Variants in RAB31 observed in about 807,000 individuals in gnomAD.
The protein encoded by RAB31 is ras-related protein Rab-31.
RAB31 carries 21 observed loss-of-function variants against 25.6 expected under a neutral mutation model. The observed-to-expected ratio is 0.82, with a 90% confidence interval of 0.58 to 1.18. The LOEUF (loss-of-function observed/expected upper bound fraction) is 1.18. Among genes scored for constraint, RAB31 ranks in the 50% most tolerant of loss-of-function variants. The pLI is 0.00. For synonymous variants in RAB31, 87 were observed against 84.0 expected (o/e 1.04, Z -0.20); for missense variants, 196 against 250.1 (o/e 0.78, Z 1.46).
At chr18:9,753,943 T>C (rs2068247932) in intron 1 of RAB31, among the ~76,000 whole-genome samples, 1 of 151,984 alleles carries the variant, frequency 6.6e-6, no homozygotes, top group Non-Finnish European at 1.5e-5. Flanking sequence ...ATGCAAGGCG[T>C]GTTCTAGTGT....
At chr18:9,807,414 C>A (rs1297281644) in intron 3 of RAB31, among the ~76,000 whole-genome samples, 2 of 151,798 alleles carry the variant, frequency 1.3e-5, no homozygotes, top group Non-Finnish European at 2.9e-5. Flanking sequence ...TCATGGCCAT[C>A]CTGGCTTTCC....
chr18:9,813,522 C>T (rs369969166), intron 3 of RAB31, among the ~76,000 whole-genome samples: 1 of 152,242 alleles, frequency 6.6e-6, no homozygotes. Flanking sequence ...CACAAGCATA[C>T]ATATGTGTTG....
At chr18:9,849,931 T>C (rs2068780644) in intron 6 of RAB31, among the ~76,000 whole-genome samples, 1 of 152,162 alleles carries the variant, frequency 6.6e-6, no homozygotes, top group African/African-American at 2.4e-5. Context: ...CCTCAAGCTT[T>C]TAAAGCAGGA....
chr18:9,740,205 T>G (rs2068171208), intron 1 of RAB31, among the ~76,000 whole-genome samples: 1 of 152,244 alleles, frequency 6.6e-6, no homozygotes, highest in Non-Finnish European at 1.5e-5. Flanking sequence ...ACAAGTATTT[T>G]GAGAACATCC....
intron 2 of RAB31, among the ~76,000 whole-genome samples, chr18:9,790,473 C>T (rs531176222): frequency 1.3e-5 from 2 of 152,152 alleles, no homozygotes; most frequent in African/African-American, 4.8e-5. Context: ...TGGCCTCAAG[C>T]CATCCTCCTG....
intron 5 of RAB31, among the ~76,000 whole-genome samples, chr18:9,842,069 A>G (rs2068737086): frequency 6.6e-6 from 1 of 152,184 alleles, no homozygotes; most frequent in Non-Finnish European, 1.5e-5. Context: ...ACTCAGGAGT[A>G]GCTAAATGGA....
At chr18:9,776,164 C>T (rs1216297897) in intron 2 of RAB31, among the ~76,000 whole-genome samples, 1 of 152,160 alleles carries the variant, frequency 6.6e-6, no homozygotes, top group Non-Finnish European at 1.5e-5. Flanking sequence ...TTGTTAAATT[C>T]TCCTGAGCTT....
chr18:9,845,547 A>G (rs368491759), intron 5 of RAB31, 35 bp from the exon 6 acceptor site: 23 of 1,486,722 alleles, frequency 1.5e-5, no homozygotes, highest in South Asian at 1.2e-4. Flanking sequence ...ACAAACAAAC[A>G]TTCATTTCCT....
rs554632589 is a variant in RAB31, at chr18:9,745,498, A to G, written c.40-29780A>G. Among the ~76,000 whole-genome samples the G allele has an allele frequency of 4.4e-4, 67 of 152,326 alleles. 1 individual carries two copies. In the South Asian group the frequency reaches 0.013, roughly 30 times the overall value. ...CAAAGATATTACAAGAACACTATAG[A>G]CCAATATCCCTTACAATATAGAAGC... On this transcript the variant is annotated intron_variant, in intron 1 of 6. Coordinates refer to ENST00000578921, the MANE Select transcript of RAB31 (RefSeq NM_006868.4).
chr18:9,805,283 TA>T (rs11451829), intron 3 of RAB31, among the ~76,000 whole-genome samples: 137 of 146,842 alleles, frequency 9.3e-4, no homozygotes, highest in African/African-American at 3.3e-3. Context: ...ATAAAAAGAT[TA>T]AAAAAAAAAA....
In RAB31 at chr18:9,708,483, G is replaced by A; in HGVS notation, c.39+39G>A. On this transcript the variant is annotated intron_variant, in intron 1 of 6. Transcript: ENST00000578921. This position sits in a 1 kb window ranked among gnomAD's most constrained non-coding sequence, Gnocchi z 6.4. ...GCCACCCGCCGGCGGACCCCGGCCCGCGCTCTCGCGCCCCTTCGCTCCCCT... is the reference window on the plus strand; with the variant it reads ...GCCACCCGCCGGCGGACCCCGGCCCACGCTCTCGCGCCCCTTCGCTCCCCT... 6.6e-7 allele frequency: 1 copy of A among 1,524,418 alleles called. No individual in the cohort carries two copies. Among genetic ancestry groups the A allele is most frequent in the Non-Finnish European group, 8.8e-7 (1 of 1,133,354 alleles). The allele number at this position is 1,524,418 out of a possible 1,614,324, so 94.4% of individuals were successfully genotyped here.
chr18:9,731,596 CTT>C (rs10685568), intron 1 of RAB31, among the ~76,000 whole-genome samples: 13 of 107,602 alleles, frequency 1.2e-4, no homozygotes, highest in Admixed American at 2.1e-4. Flanking sequence ...TGGGAATTTG[CTT>C]TTTTTTTTTT....
chr18:9,849,355 C>T (rs965850662), intron 6 of RAB31, among the ~76,000 whole-genome samples: 7 of 152,068 alleles, frequency 4.6e-5, no homozygotes, highest in Admixed American at 1.3e-4. Context: ...GTGCTGAATT[C>T]GGGGCTTTGA....
intron 3 of RAB31, 97 bp from the exon 4 acceptor site, chr18:9,813,923 C>A: frequency 1.4e-6 from 1 of 691,906 alleles, no homozygotes; most frequent in Non-Finnish European, 2.5e-6. Context: ...ATTTAGGGAT[C>A]CTGTAAGGAT....
At chr18:9,794,067 A>T (rs1465714361) in intron 3 of RAB31, among the ~76,000 whole-genome samples, 1 of 151,880 alleles carries the variant, frequency 6.6e-6, no homozygotes, top group South Asian at 2.1e-4. Context: ...TAATTTTTAA[A>T]TTTTTTTTGT....
intron 2 of RAB31, among the ~76,000 whole-genome samples, chr18:9,781,583 A>G (rs1219957319): frequency 6.6e-6 from 1 of 152,210 alleles, no homozygotes; most frequent in African/African-American, 2.4e-5. Context: ...AAAGGAGTTT[A>G]CAGGCGTGAG....
chr18:9,757,230 G>T (rs1453658213), intron 1 of RAB31, among the ~76,000 whole-genome samples: 1 of 152,230 alleles, frequency 6.6e-6, no homozygotes, highest in Non-Finnish European at 1.5e-5. Context: ...CAAAACAGCA[G>T]CACCCGGCAT....
chr18:9,823,670 A>T (rs983052227), intron 5 of RAB31, among the ~76,000 whole-genome samples: 1 of 152,242 alleles, frequency 6.6e-6, no homozygotes, highest in Non-Finnish European at 1.5e-5. Flanking sequence ...TGTGTGATAC[A>T]TATGCATTAT....
At chr18:9,712,915 G>C (rs372085720) in intron 1 of RAB31, among the ~76,000 whole-genome samples, 5 of 152,218 alleles carry the variant, frequency 3.3e-5, no homozygotes, top group African/African-American at 7.2e-5. Flanking sequence ...GAAGCATCTT[G>C]TGATCTTTGT....
Sources: gnomAD v4.1 joint callset for allele counts (sites outside exome capture counted in the v4.1 genomes callset) on GRCh38, gnomAD v4.1.1 for gene constraint, Gnocchi (gnomAD v3.1) non-coding constraint, MANE v1.5 for transcripts, NCBI Gene and HGNC (gene_info 2026-07-23, HGNC 2026-07-21) for gene names.